The following SART3 variants were observed in gnomAD, a reference collection of about 807,000 sequenced individuals.
The protein encoded by SART3 is spliceosome associated factor 3, U4/U6 recycling protein, also known as HIV-1 Tat-interacting protein of 110kDa.
SART3 carries 44 observed loss-of-function variants against 122.3 expected under a neutral mutation model. The ratio of observed to expected loss-of-function variants is 0.36; its 90% confidence interval spans 0.28 to 0.46. SART3 has a LOEUF of 0.46. Among genes scored for constraint, SART3 ranks in the 20% least tolerant of loss-of-function variants. SART3 has a pLI of 1.00. For synonymous variants in SART3, 442 were observed against 454.0 expected (o/e 0.97, Z 0.34); for missense variants, 1,101 against 1,229.0 (o/e 0.90, Z 1.56).
intron 7 of SART3, 24 bp from the exon 8 acceptor site, chr12:108,538,227 A>G: frequency 6.2e-7 from 1 of 1,613,846 alleles, no homozygotes; most frequent in Non-Finnish European, 8.5e-7. Context: ...TTCCAGAGTT[A>G]GGAAATTACA....
chr12:108,557,106 A>C (rs1433984232), intron 1 of SART3, among the ~76,000 whole-genome samples: 2 of 152,198 alleles, frequency 1.3e-5, no homozygotes, highest in East Asian at 3.8e-4. Context: ...ATACATACTG[A>C]AATGCACTTA....
chr12:108,536,368 A>T, intron 11 of SART3, 146 bp downstream of exon 11: 1 of 797,428 alleles, frequency 1.3e-6, no homozygotes, highest in Non-Finnish European at 2.1e-6. Context: ...ATCCTTGTGG[A>T]GCCTAGACCA....
chr12:108,538,644 T>A (rs1873018838), intron 7 of SART3, among the ~76,000 whole-genome samples: 2 of 152,184 alleles, frequency 1.3e-5, no homozygotes, highest in Non-Finnish European at 2.9e-5. Flanking sequence ...TTTACTGATC[T>A]GTCTACTTTT....
At chr12:108,549,283 G>A (rs1356626002) in intron 1 of SART3, 69 bp from the exon 2 acceptor site, 46 of 1,528,484 alleles carry the variant, frequency 3.0e-5, no homozygotes, top group Non-Finnish European at 4.1e-5. Flanking sequence ...TGTCACTACT[G>A]GTAACTACAC....
chr12:108,549,184 G>A lies in SART3; in HGVS notation c.343C>T (p.His115Tyr). The part of the protein sequence containing the change: ...LSINVYDYNC[H>Y]VDLIRLLRLE... ...CTGAGCAGTCTGATCAAGTCCACAT[G>A]GCAGTTGTAGTCATAGACGTTGATA... Residue 115 changes from histidine to tyrosine, a missense_variant, in exon 2 of 19, where the codon CAT becomes TAT. Physicochemically the swap from His to Tyr is moderately conservative, Grantham distance 83. Around this residue, in one of 2 missense-constraint regions of SART3, gnomAD observed 216 missense variants for 148.9 expected, o/e 1.45. Transcript: ENST00000546815. The A allele has an allele frequency of 6.2e-7, 1 of 1,614,170 alleles. No individual in the cohort carries two copies. The highest frequency in any genetic ancestry group is 8.5e-7 in the Non-Finnish European group (1 of 1,180,024).
At position 108,545,138 on chromosome 12, in the gene SART3, C is replaced by T. The variant is rs373725730; in HGVS notation, c.729+1G>A. On this transcript the variant is annotated splice_donor_variant, in intron 4 of 18. Coordinates refer to ENST00000546815, the MANE Select transcript of SART3 (RefSeq NM_014706.4). LOFTEE classifies it high-confidence loss of function. The stretch of plus-strand genomic sequence containing the variant: ...GTTCAGAGACAACCACAGGTACTCA[C>T]CCGAGCAGCTTCCACAATCGCACTT... 1.2e-6 allele frequency: 2 copies of T among 1,613,962 alleles called. No homozygotes were observed. Among genetic ancestry groups the T allele is most frequent in the Non-Finnish European group, 1.7e-6 (2 of 1,180,000 alleles).
chr12:108,546,204 ATTGT>A (rs1375242858), intron 3 of SART3, among the ~76,000 whole-genome samples: 4 of 152,070 alleles, frequency 2.6e-5, no homozygotes, highest in South Asian at 4.1e-4. Context: ...GAAAGGGGAA[ATTGT>A]TTGTTTGTTG....
chr12:108,531,474 C>A, intron 13 of SART3, 194 bp from the exon 14 acceptor site: 1 of 573,108 alleles, frequency 1.7e-6, no homozygotes, highest in Non-Finnish European at 3.1e-6. Flanking sequence ...CCTCTCCTTT[C>A]AGGAGAGACT....
Position 108,523,641 on chromosome 12 carries a change from G to A in SART3, c.2715-7C>T. 5.0e-6 allele frequency: 8 copies of A among 1,613,428 alleles called. No homozygotes were observed. The highest frequency in any genetic ancestry group is 5.9e-6 in the Non-Finnish European group (7 of 1,179,736). ...CGTCCTTCCCTTCCCCCTCCTAAAAGAGCAAACACTGAATGGACCTTTTGA... is the reference window on the plus strand; with the variant it reads ...CGTCCTTCCCTTCCCCCTCCTAAAAAAGCAAACACTGAATGGACCTTTTGA... On this transcript the variant is annotated splice_polypyrimidine_tract_variant and splice_region_variant and intron_variant, in intron 18 of 18. Transcript: ENST00000546815.
intron 7 of SART3, 47 bp from the exon 8 acceptor site, chr12:108,538,250 T>C (rs1256726831): frequency 6.2e-7 from 1 of 1,605,988 alleles, no homozygotes; most frequent in East Asian, 2.2e-5. Flanking sequence ...TTATTAAGCA[T>C]TCACCATCAA....
chr12:108,546,623 C>G (rs894950862), intron 3 of SART3, among the ~76,000 whole-genome samples: 2 of 151,382 alleles, frequency 1.3e-5, no homozygotes, highest in African/African-American at 4.9e-5. Flanking sequence ...TGGGTTCAAG[C>G]AATTTTCATG....
chr12:108,523,714 A>G, intron 18 of SART3, 80 bp from the exon 19 acceptor site: 3 of 1,239,108 alleles, frequency 2.4e-6, no homozygotes, highest in South Asian at 2.4e-5. Flanking sequence ...AAGCCAAGAC[A>G]GTTTTAATAT....
intron 1 of SART3, 70 bp from the exon 2 acceptor site, chr12:108,549,284 G>C (rs2029894728): frequency 1.3e-6 from 2 of 1,522,208 alleles, no homozygotes; most frequent in Non-Finnish European, 1.8e-6. Flanking sequence ...GTCACTACTG[G>C]TAACTACACA....
chr12:108,555,778 A>C (rs533580604), intron 1 of SART3, among the ~76,000 whole-genome samples: 1 of 152,338 alleles, frequency 6.6e-6, no homozygotes, highest in South Asian at 2.1e-4. Flanking sequence ...CATAAATTCA[A>C]TGCAATTCAA....
chr12:108,540,540 C>A (rs186966068), intron 6 of SART3, among the ~76,000 whole-genome samples: 1 of 149,960 alleles, frequency 6.7e-6, no homozygotes, highest in East Asian at 2.0e-4. Flanking sequence ...AATTATTCCC[C>A]AAATTGATCT....
Position 108,561,030 on chromosome 12 carries a change from G to T in SART3, c.125C>A (p.Ala42Asp). The T allele has an allele frequency of 6.2e-7, 1 of 1,614,180 alleles. No individual in the cohort carries two copies. The highest frequency in any genetic ancestry group is 8.5e-7 in the Non-Finnish European group (1 of 1,180,010). ...ARTRRKVLSR[A>D]VAAATYKTMG... is the part of the protein sequence containing the mutation. ...GGTCTTGTATGTCGCAGCGGCCACA[G>T]CCCGCGATAACACCTTCCTCCTTGT... The change falls in exon 1 of 19, where the codon GCT (alanine) becomes GAT (aspartate). Residue 42 changes from alanine (A) to aspartate (D), a missense_variant. Coordinates refer to ENST00000546815, the MANE Select transcript of SART3 (RefSeq NM_014706.4).
chr12:108,541,314 G>C (rs1873146338), intron 6 of SART3, among the ~76,000 whole-genome samples: 1 of 151,994 alleles, frequency 6.6e-6, no homozygotes, highest in Non-Finnish European at 1.5e-5. Context: ...GGCTGAGGCA[G>C]GAGAATCGCT....
At chr12:108,527,911 A>G (rs983300890) in intron 15 of SART3, among the ~76,000 whole-genome samples, 1 of 151,816 alleles carries the variant, frequency 6.6e-6, no homozygotes, top group Non-Finnish European at 1.5e-5. Flanking sequence ...GAAAACAGGC[A>G]CCCGCCACCA....
At chr12:108,551,871 A>C (rs1417970474) in intron 1 of SART3, among the ~76,000 whole-genome samples, 2 of 152,212 alleles carry the variant, frequency 1.3e-5, no homozygotes, top group Non-Finnish European at 2.9e-5. Flanking sequence ...GGAAGTCTCC[A>C]AGAAAATTTA....
Sources: allele counts gnomAD v4.1 joint callset (sites outside exome capture counted in the v4.1 genomes callset), GRCh38; gene constraint gnomAD v4.1.1; regional missense constraint gnomAD v4.1.1; transcripts MANE v1.5; gene names NCBI Gene and HGNC (gene_info 2026-07-23, HGNC 2026-07-21).